Variants in PHF20 observed in about 807,000 individuals in gnomAD.
PHF20 encodes glioma-expressed antigen 2.
A neutral mutation model predicts 113.5 loss-of-function variants in PHF20; 23 were observed. The observed-to-expected ratio is 0.20, with a 90% CI of 0.15 to 0.29. The LOEUF is 0.29. PHF20 is among the 10% of genes least tolerant of loss of function. The pLI, the probability that PHF20 is intolerant of heterozygous loss-of-function variation, is 1.00. For synonymous variants in PHF20, 434 were observed against 457.3 expected, an observed-to-expected ratio of 0.95 and a Z score of 0.65; for missense variants, 943 against 1,219.6, an observed-to-expected ratio of 0.77 and a Z score of 3.38.
At chr20:35,893,530 C>G (rs2054917079) in intron 9 of PHF20, among the ~76,000 whole-genome samples, 1 of 152,100 alleles carries the variant, frequency 6.6e-6, no homozygotes, top group South Asian at 2.1e-4. Context: ...TCTTGAACTC[C>G]TTACCTCAAG....
chr20:35,854,272 A>C (rs936617709), intron 4 of PHF20, among the ~76,000 whole-genome samples: 1 of 152,104 alleles, frequency 6.6e-6, no homozygotes, highest in Non-Finnish European at 1.5e-5. Flanking sequence ...TGAGTCCTTA[A>C]CCCTCAGAGG....
chr20:35,842,117 G>A (rs768614411), intron 2 of PHF20, among the ~76,000 whole-genome samples: 6 of 152,056 alleles, frequency 3.9e-5, no homozygotes, highest in Non-Finnish European at 7.4e-5. Context: ...AGGTTGAGGC[G>A]GGCAGATCAC....
chr20:35,913,046 A>G (rs562196415), intron 10 of PHF20, among the ~76,000 whole-genome samples: 1 of 152,322 alleles, frequency 6.6e-6, no homozygotes, highest in Non-Finnish European at 1.5e-5. Flanking sequence ...TCCATTTACA[A>G]TGACGGGCCA....
chr20:35,785,808 A>T (rs1292046281), intron 1 of PHF20, among the ~76,000 whole-genome samples: 2 of 151,356 alleles, frequency 1.3e-5, no homozygotes, highest in African/African-American at 4.9e-5. Context: ...CACGCTTGTA[A>T]TCCCAGCACT....
At chr20:35,812,219 T>A (rs1208924777) in intron 2 of PHF20, among the ~76,000 whole-genome samples, 1 of 152,222 alleles carries the variant, frequency 6.6e-6, no homozygotes, top group Non-Finnish European at 1.5e-5. Context: ...TATCCAGAGA[T>A]ATTCAGATGT....
At chr20:35,806,638 A>G (rs373362263) in intron 2 of PHF20, among the ~76,000 whole-genome samples, 2 of 152,188 alleles carry the variant, frequency 1.3e-5, no homozygotes, top group Admixed American at 6.6e-5. Flanking sequence ...ATATTTACAT[A>G]GGCCTGTTCT....
chr20:35,830,932 C>T (rs1243178304), intron 2 of PHF20, among the ~76,000 whole-genome samples: 2 of 152,028 alleles, frequency 1.3e-5, no homozygotes, highest in Non-Finnish European at 2.9e-5. Flanking sequence ...GGAAGTCCCA[C>T]ACCATCACTT....
In PHF20 at chr20:35,917,477, C is replaced by T. The variant is rs375308115; in HGVS notation, c.1826-7C>T. The T allele has an allele frequency of 1.1e-5, 18 of 1,611,266 alleles. No homozygotes were observed. Among genetic ancestry groups the T allele is most frequent in the Non-Finnish European group, 1.4e-5 (17 of 1,177,948 alleles). ...AATAGTAACTGTTGTTTTCCCTTTC[C>T]TCGTAGAGGAGGATAATTTGAGTGA... is the stretch of plus-strand genomic sequence containing the variant. On this transcript the variant is annotated splice_polypyrimidine_tract_variant and splice_region_variant and intron_variant, in intron 12 of 17. Transcript: ENST00000374012.
rs1018504370 is a variant in PHF20, at chr20:35,849,296, G to A, written c.340+1862G>A. On this transcript the variant is annotated intron_variant, in intron 4 of 17. Coordinates refer to ENST00000374012, the MANE Select transcript of PHF20 (RefSeq NM_016436.5). ...GAAGATAATTAATGCCTCTAAGAGG[G>A]GTGGGAAGGTGTCTTGGTGGAGGCA... 3.1e-5 allele frequency: 12 copies of A among 381,830 alleles called. 1 individual carries two copies. The highest frequency in any genetic ancestry group is 4.7e-5 in the Non-Finnish European group (9 of 190,540). 23.7% of individuals were successfully genotyped at this position (381,830 alleles called of 1,614,324 possible).
chr20:35,799,280 T>C (rs1390297388), intron 1 of PHF20, among the ~76,000 whole-genome samples: 3 of 105,892 alleles, frequency 2.8e-5, no homozygotes, highest in Non-Finnish European at 5.2e-5. Flanking sequence ...GGAACATAGA[T>C]ACTCTCTCTG....
intron 14 of PHF20, among the ~76,000 whole-genome samples, chr20:35,929,656 C>G (rs1240190753): frequency 6.6e-6 from 1 of 152,212 alleles, no homozygotes; most frequent in Non-Finnish European, 1.5e-5. Context: ...GTGTCTTTCT[C>G]TCTACTTTTC....
chr20:35,840,293 A>G (rs1233502741), intron 2 of PHF20, among the ~76,000 whole-genome samples: 1 of 152,182 alleles, frequency 6.6e-6, no homozygotes, highest in Non-Finnish European at 1.5e-5. Flanking sequence ...ACCTTTATAT[A>G]GTTGAAATAA....
intron 4 of PHF20, among the ~76,000 whole-genome samples, chr20:35,849,063 C>T (rs974916067): frequency 3.0e-4 from 46 of 152,182 alleles, no homozygotes; most frequent in African/African-American, 9.9e-4. Context: ...AACCTGTTGT[C>T]CTGAGGTTCT....
intron 1 of PHF20, among the ~76,000 whole-genome samples, chr20:35,785,153 G>C (rs1251385887): frequency 6.6e-6 from 1 of 151,918 alleles, no homozygotes; most frequent in Non-Finnish European, 1.5e-5. Context: ...GTTGTTTATT[G>C]TTTATACTCC....
At chr20:35,911,392 A>C (rs1361616374) in intron 10 of PHF20, among the ~76,000 whole-genome samples, 1 of 152,134 alleles carries the variant, frequency 6.6e-6, no homozygotes, top group Admixed American at 6.5e-5. Context: ...TGGATACATC[A>C]TGAATTATTT....
At chr20:35,903,077 C>CCTTTCCTTTCCTTTCT (rs1555799692) in intron 10 of PHF20, among the ~76,000 whole-genome samples, 1 of 60,006 alleles carries the variant, frequency 1.7e-5, no homozygotes, top group African/African-American at 6.7e-5. Flanking sequence ...CCTATCCTTT[C>CCTTTCCTTTCCTTTCT]TTTTTTTTTT....
At chr20:35,940,449 C>T (rs1346120464) in intron 16 of PHF20, among the ~76,000 whole-genome samples, 1 of 152,108 alleles carries the variant, frequency 6.6e-6, no homozygotes, top group Non-Finnish European at 1.5e-5. Context: ...AAAGCAGAGG[C>T]TCAGAGACAT....
At chr20:35,946,069 G>C (rs1030949704) in intron 17 of PHF20, among the ~76,000 whole-genome samples, 4 of 152,140 alleles carry the variant, frequency 2.6e-5, no homozygotes, top group African/African-American at 9.7e-5. Context: ...TCCTCAGGAG[G>C]CTGAGGCAGG....
intron 2 of PHF20, among the ~76,000 whole-genome samples, chr20:35,810,658 T>A (rs569419626): frequency 3.1e-4 from 47 of 152,194 alleles, no homozygotes; most frequent in African/African-American, 1.1e-3. Context: ...GTAGACTGAG[T>A]TCATAGCATT....
Sources: gnomAD v4.1 joint callset for allele counts (sites outside exome capture counted in the v4.1 genomes callset) on GRCh38, gnomAD v4.1.1 for gene constraint, MANE v1.5 for transcripts, NCBI Gene and HGNC (gene_info 2026-07-23, HGNC 2026-07-21) for gene names.